TMEM63B: variants seen among roughly 807,000 people sequenced by gnomAD.
The protein encoded by TMEM63B is mechanosensitive cation channel TMEM63B.
Under a neutral mutation model 102.6 loss-of-function variants are expected in TMEM63B, and 23 were observed. The ratio of observed to expected loss-of-function variants is 0.22; its 90% CI spans 0.16 to 0.32. The LOEUF is 0.32. Among genes scored for constraint, TMEM63B ranks in the 10% least tolerant of loss-of-function variants. The pLI, the probability that TMEM63B is intolerant of heterozygous loss-of-function variation, is 1.00. For synonymous variants in TMEM63B, 444 were observed against 437.0 expected, an observed-to-expected ratio of 1.02 and a Z score of -0.20; for missense variants, 628 against 1,095.9, an observed-to-expected ratio of 0.57 and a Z score of 6.03.
Position 44,141,119 on chromosome 6 carries a change from C to G in TMEM63B, c.782+21C>G, listed in dbSNP as rs926511742. 58 of 1,612,208 alleles carry G rather than the reference C, an allele frequency of 3.6e-5. No homozygotes were observed. The Admixed American group carries it at 9.2e-4, about 26-fold the overall frequency. ...TTTGAGTGAGTAAGCCACGCTTCCC[C>G]CTACCCTCAAGCCCTGCTGCAGAGC... On this transcript the variant is annotated intron_variant, in intron 10 of 23. Coordinates refer to ENST00000323267, the MANE Select transcript of TMEM63B (RefSeq NM_018426.3).
At chr6:44,138,547 AAG>A (rs759393516) in intron 6 of TMEM63B, 30 bp downstream of exon 6, 3 of 1,613,804 alleles carry the variant, frequency 1.9e-6, no homozygotes, top group Admixed American at 1.7e-5. Flanking sequence ...GCTCTAAAGA[AAG>A]AGAGAAACTT....
intron 5 of TMEM63B, 23 bp from the exon 6 acceptor site, chr6:44,138,457 C>T (rs777610532): frequency 1.2e-6 from 2 of 1,613,976 alleles, no homozygotes; most frequent in Middle Eastern, 1.7e-4. Flanking sequence ...GGGACTCCCG[C>T]TGACAGCCCT....
Position 44,148,964 on chromosome 6 carries a change from G to C in TMEM63B, c.1413+19G>C, listed in dbSNP as rs780999431. 10 of 1,613,874 alleles carry C rather than the reference G, an allele frequency of 6.2e-6. No homozygotes were observed. The highest frequency in any genetic ancestry group is 8.5e-6 in the Non-Finnish European group (10 of 1,180,002). ...CCTCAACGTGAGGCCTCATGCCCCTGTCACTTTCCACGCTGGGTCACAACA... is the reference window on the plus strand; with the variant it reads ...CCTCAACGTGAGGCCTCATGCCCCTCTCACTTTCCACGCTGGGTCACAACA... On this transcript the variant is annotated intron_variant, in intron 15 of 23. Transcript: ENST00000323267. The surrounding 1 kb of genome is among the most constrained non-coding windows in gnomAD (Gnocchi z 5.1).
intron 10 of TMEM63B, among the ~76,000 whole-genome samples, chr6:44,143,860 A>G (rs771791140): frequency 2.7e-4 from 41 of 152,186 alleles, no homozygotes; most frequent in Non-Finnish European, 5.4e-4. Flanking sequence ...ACAGCGTGGC[A>G]TTTGAACAGA....
intron 1 of TMEM63B, among the ~76,000 whole-genome samples, chr6:44,130,380 T>C (rs1053307640): frequency 6.6e-6 from 1 of 152,230 alleles, no homozygotes; most frequent in African/African-American, 2.4e-5. Flanking sequence ...AAAGAAGAGT[T>C]AAATAAACAT....
At chr6:44,137,375 A>G (rs1763178529) in intron 5 of TMEM63B, among the ~76,000 whole-genome samples, 1 of 152,162 alleles carries the variant, frequency 6.6e-6, no homozygotes, top group South Asian at 2.1e-4. Context: ...TTGGGCTGCA[A>G]GTCCTAGGGG....
chr6:44,140,397 A>G (rs1402754382), intron 9 of TMEM63B, 37 bp downstream of exon 9: 2 of 1,552,310 alleles, frequency 1.3e-6, no homozygotes, highest in Admixed American at 1.7e-5. Context: ...CCCCATCCCC[A>G]GCCTCTTCCC....
chr6:44,148,731 G>C lies in TMEM63B; in HGVS notation c.1260-61G>C. ...TAGGCGGAGGAGAGGGAGTGTCTTG[G>C]TGTCACTGGGGGCCAATCCTGCCCT... On this transcript the variant is annotated intron_variant, in intron 14 of 23. Transcript: ENST00000323267. The surrounding 1 kb of genome is among the most constrained non-coding windows in gnomAD (Gnocchi z 5.1). 1.2e-6 allele frequency: 2 copies of C among 1,611,392 alleles called. No individual in the cohort carries two copies. Among genetic ancestry groups the C allele is most frequent in the Non-Finnish European group, 1.7e-6 (2 of 1,177,872 alleles).
Position 44,154,924 on chromosome 6 carries a change from C to T in TMEM63B, c.*41C>T, listed in dbSNP as rs758247687. On this transcript the variant is annotated 3_prime_UTR_variant, in exon 24 of 24. Coordinates refer to ENST00000323267, the MANE Select transcript of TMEM63B (RefSeq NM_018426.3). ...CTGGAGGCCACATCCTGCCCCACCCCACCCCCACTCCCACGGACACTAAAA... is the reference window on the plus strand; with the variant it reads ...CTGGAGGCCACATCCTGCCCCACCCTACCCCCACTCCCACGGACACTAAAA... 7 of 1,461,896 alleles carry T rather than the reference C, an allele frequency of 4.8e-6. No individual in the cohort carries two copies. The East Asian group carries it at 1.2e-4, about 26-fold the overall frequency. 90.6% of individuals were successfully genotyped at this position (1,461,896 alleles called of 1,614,324 possible).
rs758715665 is a variant in TMEM63B, at chr6:44,151,942, C to A, written c.1770C>A (p.Gly590=). ...GNAMDLLRIP[G]LLMYMIRLCL... is the part of the protein sequence containing the mutation. ...CCATGGACCTGCTGCGCATCCCAGG[C>A]CTGCTCATGTACATGATCCGGCTCT... is the stretch of plus-strand genomic sequence containing the variant. Residue 590 remains glycine, a synonymous_variant, in exon 19 of 24, where the codon GGC becomes GGA. Transcript: ENST00000323267. 2 of 1,613,614 alleles carry A rather than the reference C, an allele frequency of 1.2e-6. No individual in the cohort carries two copies. The highest frequency in any genetic ancestry group is 2.2e-5 in the South Asian group (2 of 91,062).
Position 44,149,985 on chromosome 6 carries a change from A to G in TMEM63B, c.1520+20A>G, listed in dbSNP as rs975954415. The G allele has an allele frequency of 1.2e-6, 2 of 1,604,054 alleles. No homozygotes were observed. The highest frequency in any genetic ancestry group is 8.5e-7 in the Non-Finnish European group (1 of 1,173,274). ...GACACGGTAAGGTGCCTCCACTCAC[A>G]CCACACCTCGCTGTGGCCTGCCCTC... On this transcript the variant is annotated intron_variant, in intron 16 of 23. Transcript: ENST00000323267.
intron 6 of TMEM63B, 87 bp downstream of exon 6, chr6:44,138,604 C>G: frequency 6.5e-7 from 1 of 1,547,578 alleles, no homozygotes; most frequent in Non-Finnish European, 8.9e-7. Flanking sequence ...CAGCAGCTTT[C>G]AGGGCCTTAG....
intron 1 of TMEM63B, among the ~76,000 whole-genome samples, chr6:44,130,941 G>C (rs1244070349): frequency 7.0e-6 from 1 of 142,842 alleles, no homozygotes; most frequent in African/African-American, 2.6e-5. Flanking sequence ...TTTTTGAGAT[G>C]GAGTCTCACT....
intron 11 of TMEM63B, 141 bp from the exon 12 acceptor site, chr6:44,147,236 C>A: frequency 7.2e-7 from 1 of 1,385,586 alleles, no homozygotes; most frequent in Non-Finnish European, 9.9e-7. Flanking sequence ...GGTGGGGAGA[C>A]CTTGGGATGT....
chr6:44,142,444 C>T (rs10456528), intron 10 of TMEM63B, among the ~76,000 whole-genome samples: 26,573 of 151,862 alleles, frequency 0.17, 2,602 homozygotes, highest in Non-Finnish European at 0.22. Flanking sequence ...GCAGAAGAAT[C>T]GCTTGAACCC....
At chr6:44,128,038 G>T (rs1016114709) in intron 1 of TMEM63B, among the ~76,000 whole-genome samples, 2 of 151,184 alleles carry the variant, frequency 1.3e-5, no homozygotes, top group Admixed American at 6.6e-5. Context: ...TGCCAGCTGC[G>T]CCCCGCCTGT....
In TMEM63B at chr6:44,152,013, G is replaced by T. The variant is rs775896012; in HGVS notation, c.1836+5G>T. 8 of 1,597,412 alleles carry T rather than the reference G, an allele frequency of 5.0e-6. No individual in the cohort carries two copies. Among genetic ancestry groups the T allele is most frequent in the Non-Finnish European group, 6.8e-6 (8 of 1,173,186 alleles). On this transcript the variant is annotated splice_donor_5th_base_variant and intron_variant, in intron 19 of 23. Transcript: ENST00000323267. The surrounding 1 kb of genome is among the most constrained non-coding windows in gnomAD (Gnocchi z 6.4). ...GAGAGGCGCAACGTGAAGCGGGTAC[G>T]GCCGCCTGGGGCAGCAGCGGCCCGC...
intron 1 of TMEM63B, among the ~76,000 whole-genome samples, chr6:44,131,633 C>T (rs1292895331): frequency 6.6e-6 from 1 of 152,040 alleles, no homozygotes. Flanking sequence ...GCAGGAGAAT[C>T]CCTTGAACCC....
Position 44,150,720 on chromosome 6 carries a change from A to G in TMEM63B, c.1673+91A>G. On this transcript the variant is annotated intron_variant, in intron 18 of 23. Coordinates refer to ENST00000323267, the MANE Select transcript of TMEM63B (RefSeq NM_018426.3). This position sits in a 1 kb window ranked among gnomAD's most constrained non-coding sequence, Gnocchi z 4.7. ...GCCAGCCCCATGGGAGGGTGCAACA[A>G]AGCTTCCAACTCCTGGAGGGGGCAG... is the stretch of plus-strand genomic sequence containing the variant. The G allele has an allele frequency of 7.5e-7, 1 of 1,340,434 alleles. No individual in the cohort carries two copies. The highest frequency in any genetic ancestry group is 1.1e-6 in the Non-Finnish European group (1 of 943,584). The allele number at this position is 1,340,434 out of a possible 1,614,324, so 83.0% of individuals were successfully genotyped here.
Sources: allele counts gnomAD v4.1 joint callset (sites outside exome capture counted in the v4.1 genomes callset), GRCh38; gene constraint gnomAD v4.1.1; non-coding constraint Gnocchi (gnomAD v3.1); transcripts MANE v1.5; gene names NCBI Gene and HGNC (gene_info 2026-07-23, HGNC 2026-07-21).